Variants in KIF6 observed in about 807,000 individuals in gnomAD.
The protein encoded by KIF6 is kinesin-like protein KIF6.
A neutral mutation model predicts 112.7 loss-of-function variants in KIF6; 106 were observed. That is an observed-to-expected ratio of 0.94 (90% CI 0.80 to 1.11). KIF6 has a LOEUF of 1.11. Among genes scored for constraint, KIF6 ranks in the 50% least tolerant of loss-of-function variants. KIF6 has a pLI of 0.00. For synonymous variants in KIF6, 339 were observed against 339.9 expected (o/e 1.00, Z 0.03); for missense variants, 929 against 964.0 (o/e 0.96, Z 0.48).
intron 13 of KIF6, among the ~76,000 whole-genome samples, chr6:39,523,574 T>C (rs536949762): frequency 6.8e-6 from 1 of 147,728 alleles, no homozygotes; most frequent in African/African-American, 2.5e-5. Flanking sequence ...CCTACACCTC[T>C]GCACATTTGC....
At chr6:39,541,514 C>T (rs867480418) in intron 12 of KIF6, among the ~76,000 whole-genome samples, 12 of 152,236 alleles carry the variant, frequency 7.9e-5, no homozygotes, top group Admixed American at 6.5e-5. Flanking sequence ...ACTCCATCGA[C>T]TCACTCATTC....
intron 3 of KIF6, among the ~76,000 whole-genome samples, chr6:39,700,255 A>G (rs796552214): frequency 2.0e-5 from 3 of 152,302 alleles, no homozygotes; most frequent in African/African-American, 7.2e-5. Flanking sequence ...CATTCTTTCT[A>G]TAAGGTTTGC....
At chr6:39,470,384 G>A (rs935013318) in intron 13 of KIF6, among the ~76,000 whole-genome samples, 6 of 152,176 alleles carry the variant, frequency 3.9e-5, no homozygotes, top group Non-Finnish European at 5.9e-5. Flanking sequence ...TGCCTGTGAC[G>A]CAGGAGGTCA....
intron 3 of KIF6, among the ~76,000 whole-genome samples, chr6:39,675,397 G>A (rs952980373): frequency 1.3e-5 from 2 of 152,190 alleles, no homozygotes; most frequent in African/African-American, 2.4e-5. Context: ...TAATTGAGGT[G>A]TAAATTTGTA....
intron 15 of KIF6, among the ~76,000 whole-genome samples, chr6:39,410,811 C>T (rs369872686): frequency 6.6e-6 from 1 of 152,148 alleles, no homozygotes; most frequent in South Asian, 2.1e-4. Flanking sequence ...GAGATAAAAC[C>T]AAGAGCATAT....
At chr6:39,659,711 C>T (rs979635479) in intron 3 of KIF6, among the ~76,000 whole-genome samples, 6 of 152,280 alleles carry the variant, frequency 3.9e-5, no homozygotes, top group East Asian at 1.9e-4. Flanking sequence ...ATGTTTGCTT[C>T]GCCTTCTGCC....
chr6:39,451,645 G>A (rs1772708412), intron 13 of KIF6, among the ~76,000 whole-genome samples: 1 of 152,164 alleles, frequency 6.6e-6, no homozygotes, highest in Non-Finnish European at 1.5e-5. Flanking sequence ...GGCTGAGGGA[G>A]GGGCATGGCT....
chr6:39,644,270 C>T (rs1785051755), intron 3 of KIF6, among the ~76,000 whole-genome samples: 1 of 151,974 alleles, frequency 6.6e-6, no homozygotes, highest in South Asian at 2.1e-4. Context: ...CTTAACAGTT[C>T]CTCAAAATGT....
chr6:39,353,785 C>T (rs775050721), intron 19 of KIF6: 2 of 292,390 alleles, frequency 6.8e-6, no homozygotes, highest in Non-Finnish European at 1.3e-5. Flanking sequence ...GACCCAGTGG[C>T]TCCTTCCCTA....
At chr6:39,616,255 T>TCCGCTTCTGGCCA (rs1783513231) in intron 5 of KIF6, among the ~76,000 whole-genome samples, 7 of 152,344 alleles carry the variant, frequency 4.6e-5, no homozygotes, top group Non-Finnish European at 7.3e-5. Context: ...TGTAGCTACT[T>TCCGCTTCTGGCCA]CAGAACTATT....
At chr6:39,534,723 T>C (rs1778304582) in intron 13 of KIF6, among the ~76,000 whole-genome samples, 1 of 152,132 alleles carries the variant, frequency 6.6e-6, no homozygotes, top group South Asian at 2.1e-4. Flanking sequence ...GCCACAAAGA[T>C]ACTCCTCAAG....
chr6:39,624,381 A>G (rs985171104), intron 5 of KIF6, among the ~76,000 whole-genome samples: 5 of 152,196 alleles, frequency 3.3e-5, no homozygotes, highest in Admixed American at 3.3e-4. Context: ...CAGTTGAGCT[A>G]TAATAGACGT....
chr6:39,653,999 T>C (rs1187653132), intron 3 of KIF6, among the ~76,000 whole-genome samples: 1 of 152,190 alleles, frequency 6.6e-6, no homozygotes, highest in Non-Finnish European at 1.5e-5. Context: ...GTATGGCCCA[T>C]TATTAGGACC....
chr6:39,426,971 C>T (rs1440984270), intron 14 of KIF6, among the ~76,000 whole-genome samples: 1 of 152,124 alleles, frequency 6.6e-6, no homozygotes, highest in East Asian at 1.9e-4. Flanking sequence ...TAGTTCCAGC[C>T]CCTATTTAGT....
chr6:39,560,297 T>C (rs773430410), intron 10 of KIF6, among the ~76,000 whole-genome samples: 3 of 152,212 alleles, frequency 2.0e-5, no homozygotes, highest in Non-Finnish European at 4.4e-5. Flanking sequence ...ACTAATAATA[T>C]ACTACATTTT....
chr6:39,423,111 T>C (rs1220655815), intron 14 of KIF6, among the ~76,000 whole-genome samples: 1 of 152,212 alleles, frequency 6.6e-6, no homozygotes, highest in Non-Finnish European at 1.5e-5. Context: ...GTAAGATAGC[T>C]GGGTGCAGTT....
intron 13 of KIF6, among the ~76,000 whole-genome samples, chr6:39,432,627 A>G (rs948602810): frequency 6.6e-6 from 1 of 152,058 alleles, no homozygotes; most frequent in Non-Finnish European, 1.5e-5. Flanking sequence ...TGCCTTGCAC[A>G]CTCTAGAATT....
chr6:39,368,262 G>T (rs778860548), intron 16 of KIF6, among the ~76,000 whole-genome samples: 2 of 152,114 alleles, frequency 1.3e-5, no homozygotes, highest in African/African-American at 2.4e-5. Context: ...CATAACCATC[G>T]CACAGCTGCT....
chr6:39,336,932 TTTC>T (rs1762942849), intron 22 of KIF6, among the ~76,000 whole-genome samples: 1 of 136,570 alleles, frequency 7.3e-6, no homozygotes, highest in Non-Finnish European at 1.5e-5. Context: ...CTTTCTCTTC[TTTC>T]TTTCTTTTTC....
Sources: gnomAD v4.1 joint callset for allele counts (sites outside exome capture counted in the v4.1 genomes callset) on GRCh38, gnomAD v4.1.1 for gene constraint, MANE v1.5 for transcripts, NCBI Gene and HGNC (gene_info 2026-07-23, HGNC 2026-07-21) for gene names.